The following RBFOX1 variants were observed in gnomAD, a reference collection of about 807,000 sequenced individuals.
RBFOX1 encodes the protein RNA binding protein fox-1 homolog 1.
A neutral mutation model predicts 57.7 loss-of-function variants in RBFOX1; 8 were observed. That is an observed-to-expected ratio of 0.14 (90% CI 0.08 to 0.25). The LOEUF (loss-of-function observed/expected upper bound fraction) is 0.25. Among genes scored for constraint, RBFOX1 ranks in the 10% least tolerant of loss-of-function variants. RBFOX1 has a pLI of 1.00. For synonymous variants in RBFOX1, 326 were observed against 222.4 expected (o/e 1.47, Z -4.15); for missense variants, 611 against 548.5 (o/e 1.11, Z -1.14).
intron 2 of RBFOX1, among the ~76,000 whole-genome samples, chr16:6,645,491 C>T (rs1278644045): frequency 6.6e-6 from 1 of 152,146 alleles, no homozygotes; most frequent in Non-Finnish European, 1.5e-5. Context: ...GGCATCCTTG[C>T]ATTGTGGGCA....
intron 2 of RBFOX1, among the ~76,000 whole-genome samples, chr16:6,335,101 T>C (rs1379074227): frequency 6.6e-6 from 1 of 152,238 alleles, no homozygotes. Context: ...TTCTGCAGTT[T>C]TGTTTAGGGA....
At chr16:6,784,936 C>G (rs961484663) in intron 3 of RBFOX1, among the ~76,000 whole-genome samples, 2 of 152,054 alleles carry the variant, frequency 1.3e-5, no homozygotes, top group Non-Finnish European at 2.9e-5. Flanking sequence ...AAAAATAGCA[C>G]AAGCAGTGTT....
In RBFOX1 at chr16:6,343,116, GTCTT is replaced by G. The variant is rs202182996; in HGVS notation, c.-64+26065_-64+26068del. Among the ~76,000 whole-genome samples the G allele has an allele frequency of 8.5e-3, 1,293 of 152,252 alleles. 12 individuals are homozygous for G. Among genetic ancestry groups the G allele is most frequent in the Middle Eastern group, 0.014 (4 of 294 alleles). On this transcript the variant is annotated intron_variant, in intron 2 of 15. Coordinates refer to ENST00000550418, the MANE Select transcript of RBFOX1 (RefSeq NM_018723.4). ...GGCAGATGGAAAAATGAGTCTCTTG[GTCTT>G]TCTTTATTTCTTATACCCCTCTTCC... is the stretch of plus-strand genomic sequence containing the variant.
intron 3 of RBFOX1, among the ~76,000 whole-genome samples, chr16:5,854,331 C>T (rs1010475575): frequency 2.6e-5 from 4 of 152,176 alleles, no homozygotes; most frequent in South Asian, 4.1e-4. Context: ...CCAACATCTC[C>T]CTATTTCTTC....
At chr16:5,250,477 G>C (rs372293165) in intron 1 of RBFOX1, among the ~76,000 whole-genome samples, 2 of 152,126 alleles carry the variant, frequency 1.3e-5, no homozygotes, top group African/African-American at 4.8e-5. Flanking sequence ...CTGTGTCCAT[G>C]TGTTCTCATT....
chr16:5,498,606 C>T (rs141124205), intron 2 of RBFOX1, among the ~76,000 whole-genome samples: 54 of 152,256 alleles, frequency 3.5e-4, no homozygotes, highest in African/African-American at 1.1e-3. Context: ...GAGGCTGTGG[C>T]TGTTGTTTAG....
chr16:6,367,773 T>C (rs1475298190), intron 2 of RBFOX1, among the ~76,000 whole-genome samples: 1 of 143,998 alleles, frequency 6.9e-6, no homozygotes, highest in African/African-American at 2.6e-5. Context: ...ATAGGGAAAA[T>C]GATGCCAGGA....
At chr16:6,919,137 G>A (rs1438313790) in intron 3 of RBFOX1, among the ~76,000 whole-genome samples, 1 of 151,964 alleles carries the variant, frequency 6.6e-6, no homozygotes, top group Non-Finnish European at 1.5e-5. Context: ...CTGCCATCGT[G>A]CCTGGCTAGT....
At chr16:6,849,724 G>A (rs980835132) in intron 3 of RBFOX1, among the ~76,000 whole-genome samples, 5 of 152,044 alleles carry the variant, frequency 3.3e-5, no homozygotes, top group African/African-American at 1.2e-4. Flanking sequence ...TGCCATGACT[G>A]TCTACATCGC....
chr16:7,496,127 T>G (rs557641263), intron 4 of RBFOX1, among the ~76,000 whole-genome samples: 1 of 152,070 alleles, frequency 6.6e-6, no homozygotes, highest in Non-Finnish European at 1.5e-5. Flanking sequence ...GGGCATCAGT[T>G]TCCTCACCTT....
chr16:6,531,211 C>T lies in RBFOX1; in HGVS notation c.-63-123392C>T, dbSNP rs374446607. ...TTTCCCAAATTCTATTTTTCTCCAG[C>T]GCTCAGGGACATCTCTGAGACAGCC... On this transcript the variant is annotated intron_variant, in intron 2 of 15. Coordinates refer to ENST00000550418, the MANE Select transcript of RBFOX1 (RefSeq NM_018723.4). Among the ~76,000 whole-genome samples the T allele has an allele frequency of 5.3e-5, 8 of 152,268 alleles. No homozygotes were observed. The South Asian group carries it at 1.0e-3, about 20-fold the overall frequency.
At chr16:7,047,333 T>C (rs1597998233) in intron 3 of RBFOX1, among the ~76,000 whole-genome samples, 1 of 152,212 alleles carries the variant, frequency 6.6e-6, no homozygotes, top group South Asian at 2.1e-4. Context: ...TTGACAATTA[T>C]TTTTTCAGTA....
At chr16:6,309,074 C>T (rs535816658) in intron 1 of RBFOX1, among the ~76,000 whole-genome samples, 28 of 152,024 alleles carry the variant, frequency 1.8e-4, no homozygotes, top group Admixed American at 9.8e-4. Context: ...AATCAGGTCT[C>T]ATGTGTATAT....
chr16:7,021,397 A>G (rs1418547781), intron 3 of RBFOX1, among the ~76,000 whole-genome samples: 1 of 143,858 alleles, frequency 7.0e-6, no homozygotes, highest in African/African-American at 2.5e-5. Flanking sequence ...TTTATTTTTA[A>G]ATTTGTTTTA....
Position 5,793,524 on chromosome 16 carries a change from A to G in RBFOX1, c.319-73779A>G, listed in dbSNP as rs112119438. Among the ~76,000 whole-genome samples, 311 of 152,334 alleles carry G rather than the reference A, an allele frequency of 2.0e-3. 1 individual carries two copies. The highest frequency in any genetic ancestry group is 3.7e-3 in the Non-Finnish European group (249 of 68,028). On this transcript the variant is annotated intron_variant, in intron 3 of 19. Coordinates refer to the RBFOX1 transcript ENST00000641259. ...AGAGTCCTGAATCAGAGGTGTTGGC[A>G]CAAGCCATGTTGCCTTCCTGAGAAG...
intron 5 of RBFOX1, among the ~76,000 whole-genome samples, chr16:7,556,229 C>A (rs549531810): frequency 2.6e-5 from 4 of 152,124 alleles, no homozygotes; most frequent in African/African-American, 9.7e-5. Flanking sequence ...CGCAGCTCTT[C>A]GGTCAAATCT....
At chr16:5,508,475 T>A (rs2043454900) in intron 2 of RBFOX1, among the ~76,000 whole-genome samples, 1 of 152,216 alleles carries the variant, frequency 6.6e-6, no homozygotes, top group East Asian at 1.9e-4. Flanking sequence ...GGCTGTGTTC[T>A]ATTCATTAAA....
At chr16:7,026,181 G>A (rs1279063324) in intron 3 of RBFOX1, among the ~76,000 whole-genome samples, 1 of 152,096 alleles carries the variant, frequency 6.6e-6, no homozygotes, top group Non-Finnish European at 1.5e-5. Context: ...AACTTCTTGG[G>A]GCCTACTCTG....
At chr16:6,221,539 A>G (rs1567709884) in intron 1 of RBFOX1, among the ~76,000 whole-genome samples, 1 of 152,204 alleles carries the variant, frequency 6.6e-6, no homozygotes, top group Non-Finnish European at 1.5e-5. Context: ...GTGTCATCCA[A>G]ACATTTCCTA....
Sources: allele counts gnomAD v4.1 joint callset (sites outside exome capture counted in the v4.1 genomes callset), GRCh38; gene constraint gnomAD v4.1.1; transcripts MANE v1.5; gene names NCBI Gene and HGNC (gene_info 2026-07-23, HGNC 2026-07-21).